Variants in AGPAT3 observed in about 807,000 individuals in gnomAD.
AGPAT3 encodes the protein 1-acyl-sn-glycerol-3-phosphate acyltransferase gamma.
In AGPAT3, 5 loss-of-function variants were observed where a neutral mutation model predicts 47.3. The observed-to-expected ratio is 0.11, with a 90% CI of 0.06 to 0.22. The LOEUF (loss-of-function observed/expected upper bound fraction) is 0.22, where lower values mean the gene tolerates loss of function less well. Ranked by LOEUF, AGPAT3 falls within the 10% of genes least tolerant of loss-of-function variation. The pLI is 1.00. For synonymous variants in AGPAT3, 212 were observed against 208.3 expected, an observed-to-expected ratio of 1.02 and a Z score of -0.15; for missense variants, 315 against 493.0, an observed-to-expected ratio of 0.64 and a Z score of 3.42.
intron 7 of AGPAT3, among the ~76,000 whole-genome samples, chr21:43,977,434 G>A (rs935334070): frequency 2.6e-5 from 4 of 152,198 alleles, no homozygotes; most frequent in Admixed American, 2.0e-4. Context: ...TGGCCTGCCC[G>A]GTTAAATCAC....
intron 1 of AGPAT3, among the ~76,000 whole-genome samples, chr21:43,865,841 C>A (rs938015047): frequency 6.6e-6 from 1 of 152,058 alleles, no homozygotes; most frequent in Non-Finnish European, 1.5e-5. Context: ...CGGGACCCCC[C>A]CCAGGGGCCT....
chr21:43,871,595 A>G (rs1240752529), intron 1 of AGPAT3, among the ~76,000 whole-genome samples: 1 of 152,220 alleles, frequency 6.6e-6, no homozygotes, highest in Non-Finnish European at 1.5e-5. Flanking sequence ...AAGCTGGTAG[A>G]TGCAAAGTGT....
intron 2 of AGPAT3, among the ~76,000 whole-genome samples, chr21:43,935,943 A>G (rs1310924576): frequency 6.6e-6 from 1 of 152,184 alleles, no homozygotes; most frequent in East Asian, 1.9e-4. Flanking sequence ...TTTTTCCCTG[A>G]TGGCGGCTCG....
intron 2 of AGPAT3, among the ~76,000 whole-genome samples, chr21:43,907,794 T>A (rs2086538639): frequency 6.6e-6 from 1 of 152,188 alleles, no homozygotes; most frequent in African/African-American, 2.4e-5. Flanking sequence ...TGATTCCCTC[T>A]GTGAAAAATA....
In AGPAT3 at chr21:43,934,874, G is replaced by A. The variant is rs1180583134; in HGVS notation, c.-48-24760G>A. ...CATGCCACTCACATGCCATTGACACGCCACCCACGCCACTCACATGCCACC... is the reference window on the plus strand; with the variant it reads ...CATGCCACTCACATGCCATTGACACACCACCCACGCCACTCACATGCCACC... On this transcript the variant is annotated intron_variant, in intron 2 of 9. Coordinates refer to ENST00000291572, the MANE Select transcript of AGPAT3 (RefSeq NM_020132.5). This position sits in a 1 kb window ranked among gnomAD's most constrained non-coding sequence, Gnocchi z 4.7. Among the ~76,000 whole-genome samples the A allele has an allele frequency of 3.4e-5, 5 of 148,814 alleles. No individual in the cohort carries two copies. Among genetic ancestry groups the A allele is most frequent in the Non-Finnish European group, 4.5e-5 (3 of 67,408 alleles).
chr21:43,983,781 C>T lies in AGPAT3; in HGVS notation c.*1389C>T, dbSNP rs1029022870. On this transcript the variant is annotated 3_prime_UTR_variant, in exon 10 of 10. Coordinates refer to ENST00000291572, the MANE Select transcript of AGPAT3 (RefSeq NM_020132.5). ...GCATTTGGCTTTCGACTTGCTTGTT[C>T]TAAGTCACAGCGCCCTCATCTTTTT... The T allele has an allele frequency of 1.4e-4, 21 of 152,244 alleles. No individual in the cohort carries two copies. The highest frequency in any genetic ancestry group is 5.2e-4 in the Admixed American group (8 of 15,284). 9.4% of individuals were successfully genotyped at this position (152,244 alleles called of 1,614,324 possible).
chr21:43,948,992 C>T (rs77911584), intron 2 of AGPAT3, among the ~76,000 whole-genome samples: 4,082 of 152,138 alleles, frequency 0.027, 166 homozygotes, highest in African/African-American at 0.079. Flanking sequence ...ACTGATAAGC[C>T]GGTACTGTGC....
intron 2 of AGPAT3, among the ~76,000 whole-genome samples, chr21:43,947,358 A>C (rs7281307): frequency 0.034 from 5,151 of 152,296 alleles, 284 homozygotes; most frequent in African/African-American, 0.12. Flanking sequence ...CCAAAGCTGC[A>C]GTCAGGAGAG....
rs1484035250 is a variant in AGPAT3 at position 43,971,457 on chromosome 21, A to C, written c.734A>C (p.Tyr245Ser). 1 of 1,614,090 alleles carries C rather than the reference A, an allele frequency of 6.2e-7. No homozygotes were observed. The highest frequency in any genetic ancestry group is 1.3e-5 in the African/African-American group (1 of 74,934). ...AACCCGTCCCTGCTGGGGATCCTCT[A>C]CGGGAAGAAGTACGAGGCGGACATG... is the stretch of plus-strand genomic sequence containing the variant. ...NKNPSLLGIL[Y>S]GKKYEADMCV... The change falls in exon 7 of 10, where the codon TAC becomes TCC. Residue 245 changes from tyrosine to serine, a missense_variant. Physicochemically the swap from Tyr to Ser is moderately radical, Grantham distance 144. Transcript: ENST00000291572.
chr21:43,901,336 AAAAGAG>A (rs1569054320), intron 1 of AGPAT3, among the ~76,000 whole-genome samples: 3 of 148,506 alleles, frequency 2.0e-5, no homozygotes, highest in African/African-American at 7.7e-5. Context: ...AAAAAAAAAA[AAAAGAG>A]AAGAGAAAAG....
chr21:43,894,438 C>A (rs1601238054), intron 1 of AGPAT3, among the ~76,000 whole-genome samples: 1 of 151,632 alleles, frequency 6.6e-6, no homozygotes, highest in South Asian at 2.1e-4. Context: ...ATAGTTCACC[C>A]ACTATATGAC....
At chr21:43,900,592 AG>A (rs2146000359) in intron 1 of AGPAT3, among the ~76,000 whole-genome samples, 1 of 152,322 alleles carries the variant, frequency 6.6e-6, no homozygotes, top group East Asian at 1.9e-4. Context: ...AGTTCCATAA[AG>A]AAACAGCTCT....
intron 1 of AGPAT3, among the ~76,000 whole-genome samples, chr21:43,897,030 T>C (rs1368566333): frequency 2.8e-5 from 4 of 143,940 alleles, no homozygotes; most frequent in African/African-American, 1.0e-4. Flanking sequence ...GGTCATAGGA[T>C]AATAGTGGAG....
chr21:43,962,217 T>G (rs545144706), intron 3 of AGPAT3, among the ~76,000 whole-genome samples: 35 of 152,192 alleles, frequency 2.3e-4, no homozygotes, highest in African/African-American at 7.9e-4. Context: ...TTAGCCAGGA[T>G]GGTTTTGATC....
chr21:43,960,758 G>A (rs1295347007), intron 3 of AGPAT3: 2 of 985,316 alleles, frequency 2.0e-6, no homozygotes, highest in Non-Finnish European at 2.4e-6. Context: ...AGCGAAAAAG[G>A]AAGTATACAA....
At chr21:43,872,178 G>GT (rs111592161) in intron 1 of AGPAT3, among the ~76,000 whole-genome samples, 7,103 of 139,298 alleles carry the variant, frequency 0.051, 480 homozygotes, top group African/African-American at 0.16. Context: ...TGTAAATGGT[G>GT]TTTTTTTTTT....
chr21:43,931,906 T>C (rs952708957), intron 2 of AGPAT3, among the ~76,000 whole-genome samples: 4 of 151,220 alleles, frequency 2.6e-5, no homozygotes, highest in African/African-American at 9.7e-5. Context: ...TTCTGCTTTT[T>C]ACCTGAAGAG....
intron 2 of AGPAT3, among the ~76,000 whole-genome samples, chr21:43,929,417 C>T (rs2087167245): frequency 1.3e-5 from 2 of 152,232 alleles, no homozygotes; most frequent in Non-Finnish European, 2.9e-5. Flanking sequence ...GCCACCACGG[C>T]CCGTGCTGAC....
chr21:43,959,966 C>A, intron 3 of AGPAT3, 107 bp downstream of exon 3: 2 of 1,242,780 alleles, frequency 1.6e-6, no homozygotes, highest in Non-Finnish European at 2.2e-6. Context: ...GAGGGCTATG[C>A]AGGAGGTGCC....
Sources: allele counts gnomAD v4.1 joint callset (sites outside exome capture counted in the v4.1 genomes callset), GRCh38; gene constraint gnomAD v4.1.1; non-coding constraint Gnocchi (gnomAD v3.1); transcripts MANE v1.5; gene names NCBI Gene and HGNC (gene_info 2026-07-23, HGNC 2026-07-21).